Variants in ROS1 observed in about 807,000 individuals in gnomAD.
The protein encoded by ROS1 is ROS proto-oncogene 1, receptor tyrosine kinase.
Under a neutral mutation model 273.5 loss-of-function variants are expected in ROS1, and 263 were observed. The observed-to-expected ratio is 0.96, with a 90% CI of 0.87 to 1.06. The LOEUF (loss-of-function observed/expected upper bound fraction) is 1.06. Ranked by LOEUF, ROS1 falls within the 50% of genes least tolerant of loss-of-function variation. ROS1 has a pLI of 0.00. For missense variants in ROS1, 2,833 were observed against 2,751.1 expected (o/e 1.03, Z -0.67); for synonymous variants, 1,008 against 954.1 (o/e 1.06, Z -1.04).
Position 117,425,796 on chromosome 6 carries a change from T to C in ROS1, c.-140A>G. The C allele has an allele frequency of 1.2e-6, 1 of 866,746 alleles. No individual in the cohort carries two copies. The highest frequency in any genetic ancestry group is 1.8e-6 in the Non-Finnish European group (1 of 555,470). The allele number at this position is 866,746 out of a possible 1,614,324, so 53.7% of individuals were successfully genotyped here. A position where few individuals can be genotyped will look rare whatever the true frequency, so the allele number is the denominator to read the frequency against. ...TTTGTTTTGCTATATTAGGATATAC[T>C]TGCCTTTTGAAATAATACTTAGCCT... On this transcript the variant is annotated 5_prime_UTR_variant, in exon 1 of 44. Transcript: ENST00000368507.
chr6:117,353,102 G>C lies in ROS1; in HGVS notation c.4191C>G (p.Asp1397Glu). The C allele has an allele frequency of 1.2e-6, 2 of 1,613,972 alleles. No individual in the cohort carries two copies. Among genetic ancestry groups the C allele is most frequent in the Non-Finnish European group, 1.7e-6 (2 of 1,179,890 alleles). Residue 1397 changes from aspartate (D) to glutamate (E), a missense_variant, in exon 27 of 44, where the codon GAC becomes GAG. Coordinates refer to ENST00000368507, the MANE Select transcript of ROS1 (RefSeq NM_001378902.1). Reference protein sequence around the residue: ...DLIYWIITAKDSTQIYQAKKG... With the variant: ...DLIYWIITAKESTQIYQAKKG... Reference sequence around the variant, plus strand: ...TCTTTGCCTGATAAATCTGTGTGCTGTCCTTTGCTGTGATGATCCAGTATA... The same window carrying C: ...TCTTTGCCTGATAAATCTGTGTGCTCTCCTTTGCTGTGATGATCCAGTATA...
In ROS1 at chr6:117,404,412, T is replaced by G. The variant is rs2128726990; in HGVS notation, c.333A>C (p.Pro111=). Reference sequence around the variant, plus strand: ...CAATGGAAGAAGCAAAGGGAGCAGTTGGTAGGTCTGCATTTTCTGGGGAAA... The same window carrying G: ...CAATGGAAGAAGCAAAGGGAGCAGTGGGTAGGTCTGCATTTTCTGGGGAAA... ...EEEVLENADL[P]TAPFASSIGS... Residue 111 remains proline (P), a synonymous_variant, in exon 6 of 44, where the codon CCA becomes CCC. Coordinates refer to ENST00000368507, the MANE Select transcript of ROS1 (RefSeq NM_001378902.1). The G allele has an allele frequency of 6.2e-7, 1 of 1,613,648 alleles. No individual in the cohort carries two copies. Among genetic ancestry groups the G allele is most frequent in the Non-Finnish European group, 8.5e-7 (1 of 1,179,820 alleles).
At chr6:117,341,693 G>A in intron 29 of ROS1, 61 bp from the exon 30 acceptor site, 1 of 1,298,790 alleles carries the variant, frequency 7.7e-7, no homozygotes, top group Non-Finnish European at 1.1e-6. Context: ...ATGGAAAGAA[G>A]TAATGGAGTT....
intron 18 of ROS1, among the ~76,000 whole-genome samples, chr6:117,374,856 T>C (rs1781180800): frequency 6.6e-6 from 1 of 152,218 alleles, no homozygotes; most frequent in Admixed American, 6.5e-5. Flanking sequence ...CTGATGGGAA[T>C]GTAAACTAGT....
intron 32 of ROS1, among the ~76,000 whole-genome samples, chr6:117,330,710 C>A (rs1777018075): frequency 6.6e-6 from 1 of 152,114 alleles, no homozygotes; most frequent in African/African-American, 2.4e-5. Context: ...TGAACCCCAG[C>A]AAACTGCAGC....
rs149746699 is a variant in ROS1 at position 117,351,666 on chromosome 6, T to A, written c.4303+1324A>T. The stretch of plus-strand genomic sequence containing the variant: ...TCTGGTAAATTGTAATTCTCTGTAT[T>A]TACCAATCTGTCTTTCCAACTGGGG... On this transcript the variant is annotated intron_variant, in intron 27 of 43. Coordinates refer to ENST00000368507, the MANE Select transcript of ROS1 (RefSeq NM_001378902.1). Among the ~76,000 whole-genome samples the A allele has an allele frequency of 4.9e-4, 75 of 152,246 alleles. No homozygotes were observed. In the East Asian group the frequency reaches 0.014, roughly 28 times the overall value.
Position 117,373,321 on chromosome 6 carries a change from C to T in ROS1, c.2582+5738G>A, listed in dbSNP as rs1233930007. On this transcript the variant is annotated intron_variant, in intron 18 of 43. Transcript: ENST00000368507. Reference sequence around the variant, plus strand: ...TCAGCCCTTGGGCGGTCAATGGGATCGGGCGCCACGGAGCAGGGGGCGGCA... The same window carrying T: ...TCAGCCCTTGGGCGGTCAATGGGATTGGGCGCCACGGAGCAGGGGGCGGCA... 8.5e-5 allele frequency among the ~76,000 whole-genome samples: 13 copies of T among 152,362 alleles called. No homozygotes were observed. In the East Asian group the frequency reaches 9.7e-4, roughly 11 times the overall value.
In ROS1 at chr6:117,394,727, C is replaced by G. The variant is rs371206741; in HGVS notation, c.895G>C (p.Glu299Gln). ...TTSSSAVQQEEQWLFLSRKTS... is the reference protein window; with the variant it reads ...TTSSSAVQQEQQWLFLSRKTS... ...TTTCTGGATAAAAAGAGCCACTGTTCCTCTTGTTGAACTGAAAAAAACAAC... is the reference window on the plus strand; with the variant it reads ...TTTCTGGATAAAAAGAGCCACTGTTGCTCTTGTTGAACTGAAAAAAACAAC... Residue 299 changes from glutamate (E) to glutamine (Q), a missense_variant, in exon 10 of 44, where the codon GAA becomes CAA. Transcript: ENST00000368507. The G allele has an allele frequency of 4.5e-5, 73 of 1,608,310 alleles. No individual in the cohort carries two copies. In the African/African-American group the frequency reaches 7.4e-4, roughly 16 times the overall value.
chr6:117,352,639 A>G (rs1778970394), intron 27 of ROS1, among the ~76,000 whole-genome samples: 1 of 152,214 alleles, frequency 6.6e-6, no homozygotes, highest in African/African-American at 2.4e-5. Flanking sequence ...GTTGTATGCA[A>G]TGCTTTTTGA....
intron 24 of ROS1, among the ~76,000 whole-genome samples, chr6:117,358,713 G>C (rs951000500): frequency 4.6e-5 from 7 of 152,046 alleles, no homozygotes; most frequent in African/African-American, 1.7e-4. Flanking sequence ...ACCTGCCTTG[G>C]CCTCCTACAG....
intron 21 of ROS1, 142 bp from the exon 22 acceptor site, chr6:117,363,007 A>T (rs951266980): frequency 2.7e-6 from 2 of 747,122 alleles, no homozygotes; most frequent in African/African-American, 3.6e-5. Context: ...TTACATTCTT[A>T]AAGATCTTCA....
chr6:117,372,648 C>A (rs955768372), intron 18 of ROS1, among the ~76,000 whole-genome samples: 3 of 152,170 alleles, frequency 2.0e-5, no homozygotes, highest in African/African-American at 7.2e-5. Context: ...AGTGTTACAG[C>A]TCTTAAGGTG....
At chr6:117,321,466 G>T in intron 35 of ROS1, 72 bp from the exon 36 acceptor site, 1 of 1,352,782 alleles carries the variant, frequency 7.4e-7, no homozygotes, top group Non-Finnish European at 1.0e-6. Context: ...AATGTTAACA[G>T]TGCATTTGAA....
chr6:117,425,290 A>G (rs1026828355), intron 1 of ROS1, among the ~76,000 whole-genome samples: 2 of 152,160 alleles, frequency 1.3e-5, no homozygotes, highest in African/African-American at 4.8e-5. Context: ...AACCTCCTTT[A>G]CCCAGTCCTC....
intron 3 of ROS1, 37 bp from the exon 4 acceptor site, chr6:117,414,582 A>T: frequency 1.4e-6 from 1 of 724,594 alleles, no homozygotes; most frequent in Non-Finnish European, 2.5e-6. Flanking sequence ...TAAAATCTTG[A>T]AAGTTGTAAA....
chr6:117,308,700 T>C (rs756151475), intron 42 of ROS1, 94 bp downstream of exon 42: 31 of 1,277,206 alleles, frequency 2.4e-5, no homozygotes, highest in Non-Finnish European at 3.3e-5. Flanking sequence ...CCAGTTCTTA[T>C]TTTAACAATT....
chr6:117,366,191 A>G lies in ROS1; in HGVS notation c.2682T>C (p.Asn894=), dbSNP rs1780214480. 6.2e-7 allele frequency: 1 copy of G among 1,613,984 alleles called. No individual in the cohort carries two copies. Among genetic ancestry groups the G allele is most frequent in the South Asian group, 1.1e-5 (1 of 91,088 alleles). The change falls in exon 19 of 44, where the codon AAT becomes AAC. Residue 894 remains asparagine, a synonymous_variant. Coordinates refer to ENST00000368507, the MANE Select transcript of ROS1 (RefSeq NM_001378902.1). ...MYYSGRLFWI[N]GFRIITTQEI... Reference sequence around the variant, plus strand: ...CTTGAGTTGTGATAATCCTAAAGCCATTGATCCAGAACAGCCGACCACTAT... The same window carrying G: ...CTTGAGTTGTGATAATCCTAAAGCCGTTGATCCAGAACAGCCGACCACTAT...
chr6:117,368,502 G>C (rs1037879286), intron 18 of ROS1, among the ~76,000 whole-genome samples: 2 of 152,118 alleles, frequency 1.3e-5, no homozygotes, highest in African/African-American at 4.8e-5. Context: ...ACAGCAATCA[G>C]TTTATCTCAT....
chr6:117,316,502 C>G (rs1182250614), intron 39 of ROS1, among the ~76,000 whole-genome samples: 1 of 152,038 alleles, frequency 6.6e-6, no homozygotes, highest in African/African-American at 2.4e-5. Flanking sequence ...AGGTAGTCAC[C>G]CCCAGTCCTG....
Sources: gnomAD v4.1 joint callset for allele counts (sites outside exome capture counted in the v4.1 genomes callset) on GRCh38, gnomAD v4.1.1 for gene constraint, MANE v1.5 for transcripts, NCBI Gene and HGNC (gene_info 2026-07-23, HGNC 2026-07-21) for gene names.